CCDC59: variants seen among roughly 807,000 people sequenced by gnomAD.
CCDC59 encodes coiled-coil domain containing 59.
In CCDC59, 27 loss-of-function variants were observed where a neutral mutation model predicts 30.5. That is an observed-to-expected ratio of 0.89 (90% CI 0.65 to 1.22). The LOEUF (loss-of-function observed/expected upper bound fraction) is 1.22. Ranked by LOEUF, CCDC59 falls within the 50% of genes most tolerant of loss-of-function variation. CCDC59 has a pLI of 0.00. For missense variants in CCDC59, 362 were observed against 284.4 expected, an observed-to-expected ratio of 1.27 and a Z score of -1.96; for synonymous variants, 125 against 100.9, an observed-to-expected ratio of 1.24 and a Z score of -1.43.
intron 3 of CCDC59, among the ~76,000 whole-genome samples, chr12:82,353,785 A>G (rs1880904577): frequency 6.6e-6 from 1 of 152,164 alleles, no homozygotes; most frequent in Non-Finnish European, 1.5e-5. Flanking sequence ...TAAAGCAAAA[A>G]CAAGCAAAAT....
intron 2 of CCDC59, chr12:82,355,409 G>A (rs1880977829): frequency 6.6e-6 from 1 of 152,080 alleles, no homozygotes; most frequent in Non-Finnish European, 1.5e-5. Flanking sequence ...TGCTTTAAGT[G>A]AAAAGGTAAA....
At chr12:82,358,443 A>T, upstream of CCDC59, 1 of 1,606,290 alleles carries the variant, frequency 6.2e-7, no homozygotes, top group Non-Finnish European at 8.5e-7. Context: ...ACCAAGCCGA[A>T]GCAATCAATC....
At position 82,356,966 on chromosome 12, in the gene CCDC59, G is replaced by A. The variant is rs1214535106; in HGVS notation, c.458C>T (p.Thr153Ile). The change falls in exon 2 of 4, where the codon ACA becomes ATA. Residue 153 changes from threonine (T) to isoleucine (I), a missense_variant. Coordinates refer to ENST00000256151, the MANE Select transcript of CCDC59 (RefSeq NM_014167.5). The part of the protein sequence containing the change: ...QPQPEEQCIK[T>I]VNSFTIPKKN... ...AAATGAAGAAAATACATACTTTACT[G>A]TTTTAATACATTGTTCTTCTGGCTG... The A allele has an allele frequency of 2.5e-6, 4 of 1,609,076 alleles. No individual in the cohort carries two copies. The highest frequency in any genetic ancestry group is 3.4e-6 in the Non-Finnish European group (4 of 1,175,862).
In CCDC59 at chr12:82,357,100, T is replaced by C. The variant is rs759992981; in HGVS notation, c.324A>G (p.Ala108=). 2 of 1,614,246 alleles carry C rather than the reference T, an allele frequency of 1.2e-6. No homozygotes were observed. Among genetic ancestry groups the C allele is most frequent in the Admixed American group, 3.3e-5 (2 of 60,038 alleles). ...LAEEERHRKQ[A]RKVDHPLSEQ... is the part of the protein sequence containing the mutation. Reference sequence around the variant, plus strand: ...CTGACAAAGGATGGTCGACTTTTCTTGCTTGCTTCCTATGTCTTTCCTCTT... The same window carrying C: ...CTGACAAAGGATGGTCGACTTTTCTCGCTTGCTTCCTATGTCTTTCCTCTT... Residue 108 remains alanine, a synonymous_variant, in exon 2 of 4, where the codon GCA becomes GCG. Coordinates refer to ENST00000256151, the MANE Select transcript of CCDC59 (RefSeq NM_014167.5).
At chr12:82,355,354 A>C (rs1252712879) in intron 2 of CCDC59, 1 of 152,228 alleles carries the variant, frequency 6.6e-6, no homozygotes, top group Admixed American at 6.5e-5. Flanking sequence ...AAATTCCAGA[A>C]ATAAACAATT....
At position 82,357,109 on chromosome 12, in the gene CCDC59, C is replaced by G. The variant is rs760805149; in HGVS notation, c.315G>C (p.Arg105Ser). The change falls in exon 2 of 4, where the codon AGG becomes AGC. Residue 105 changes from arginine (R) to serine (S), a missense_variant. By Grantham distance (110) the Arg-to-Ser change is moderately radical. Coordinates refer to ENST00000256151, the MANE Select transcript of CCDC59 (RefSeq NM_014167.5). ...HLYLAEEERH[R>S]KQARKVDHPL... Reference sequence around the variant, plus strand: ...GATGGTCGACTTTTCTTGCTTGCTTCCTATGTCTTTCCTCTTCAGCTAAAT... The same window carrying G: ...GATGGTCGACTTTTCTTGCTTGCTTGCTATGTCTTTCCTCTTCAGCTAAAT... 6.2e-7 allele frequency: 1 copy of G among 1,614,052 alleles called. No individual in the cohort carries two copies. The highest frequency in any genetic ancestry group is 1.3e-5 in the African/African-American group (1 of 74,924).
At chr12:82,358,685 T>A (rs752294911), upstream of CCDC59, 2 of 1,614,060 alleles carry the variant, frequency 1.2e-6, no homozygotes, top group South Asian at 1.1e-5. Context: ...ATACCGTGGA[T>A]TTCTACACAG....
chr12:82,354,212 T>C (rs922967875), intron 3 of CCDC59, among the ~76,000 whole-genome samples: 1 of 152,164 alleles, frequency 6.6e-6, no homozygotes, highest in African/African-American at 2.4e-5. Context: ...TGCAAGTTCC[T>C]GGACCAAACT....
At chr12:82,358,485 G>A, upstream of CCDC59, 17 of 1,596,776 alleles carry the variant, frequency 1.1e-5, no homozygotes, top group Non-Finnish European at 1.4e-5. Context: ...GAGCTCTACT[G>A]AGCCTGCCTG....
intron 2 of CCDC59, chr12:82,355,484 A>G (rs1000484862): frequency 6.6e-6 from 1 of 152,138 alleles, no homozygotes; most frequent in Non-Finnish European, 1.5e-5. Flanking sequence ...CTATGGTTTT[A>G]AAAAAAATCT....
intron 1 of CCDC59, 122 bp downstream of exon 1, chr12:82,358,101 A>G: frequency 1.8e-6 from 2 of 1,097,550 alleles, no homozygotes; most frequent in Non-Finnish European, 2.6e-6. Flanking sequence ...CTCAGGAATG[A>G]ATTCCCTTGC....
chr12:82,358,512 G>C, upstream of CCDC59: 1 of 1,597,744 alleles, frequency 6.3e-7, no homozygotes, highest in Non-Finnish European at 8.5e-7. Flanking sequence ...TTTGGGCCGA[G>C]CTGGCGCCTC....
At position 82,353,330 on chromosome 12, in the gene CCDC59, T is replaced by C. The variant is rs746362430; in HGVS notation, c.565-18A>G. On this transcript the variant is annotated intron_variant, in intron 3 of 3. Coordinates refer to ENST00000256151, the MANE Select transcript of CCDC59 (RefSeq NM_014167.5). Reference sequence around the variant, plus strand: ...TCGAATTCCTAAAATTATTAACATATGTAACTTTCATTAGCAACAAACAGT... The same window carrying C: ...TCGAATTCCTAAAATTATTAACATACGTAACTTTCATTAGCAACAAACAGT... 8 of 1,580,474 alleles carry C rather than the reference T, an allele frequency of 5.1e-6. No homozygotes were observed. In the African/African-American group the frequency reaches 9.6e-5, roughly 19 times the overall value.
chr12:82,357,207 T>G lies in CCDC59; in HGVS notation c.217A>C (p.Lys73Gln). 1 of 1,614,212 alleles carries G rather than the reference T, an allele frequency of 6.2e-7. No homozygotes were observed. Among genetic ancestry groups the G allele is most frequent in the Admixed American group, 1.7e-5 (1 of 60,032 alleles). The change falls in exon 2 of 4, where the codon AAG becomes CAG. Residue 73 changes from lysine to glutamine, a missense_variant. Physicochemically the swap from Lys to Gln is moderately conservative, Grantham distance 53. Transcript: ENST00000256151. ...AGTGACGTTTGAGCCTTCTTTTCCT[T>G]CCGTAGCAATTTCTTGTAACTTTGC... is the stretch of plus-strand genomic sequence containing the variant. ...IQQSYKKLLR[K>Q]EKKAQTSLES...
At position 82,353,320 on chromosome 12, in the gene CCDC59, T is replaced by C. The variant is rs1454499387; in HGVS notation, c.565-8A>G. 1.3e-6 allele frequency: 2 copies of C among 1,589,306 alleles called. No individual in the cohort carries two copies. The highest frequency in any genetic ancestry group is 1.4e-5 in the African/African-American group (1 of 73,276). ...TTTTCTCCTCTCGAATTCCTAAAAT[T>C]ATTAACATATGTAACTTTCATTAGC... On this transcript the variant is annotated splice_region_variant and splice_polypyrimidine_tract_variant and intron_variant, in intron 3 of 3. Coordinates refer to ENST00000256151, the MANE Select transcript of CCDC59 (RefSeq NM_014167.5).
Position 82,358,212 on chromosome 12 carries a change from T to A in CCDC59, c.154+11A>T, listed in dbSNP as rs1261020944. The A allele has an allele frequency of 6.2e-7, 1 of 1,614,156 alleles. No homozygotes were observed. The highest frequency in any genetic ancestry group is 1.7e-5 in the Admixed American group (1 of 60,030). On this transcript the variant is annotated intron_variant, in intron 1 of 3. Coordinates refer to ENST00000256151, the MANE Select transcript of CCDC59 (RefSeq NM_014167.5). ...GCCTGAGGATTTGCAAATGGTTGCC[T>A]TCTTACATACCCTCGCGAACGCTCC... is the stretch of plus-strand genomic sequence containing the variant.
chr12:82,358,669 A>G (rs761750644), upstream of CCDC59: 3 of 1,614,154 alleles, frequency 1.9e-6, no homozygotes, highest in East Asian at 2.2e-5. Context: ...TCCATTTCCA[A>G]TGCACATACC....
chr12:82,353,991 C>T (rs1880915792), intron 3 of CCDC59, among the ~76,000 whole-genome samples: 1 of 146,142 alleles, frequency 6.8e-6, no homozygotes, highest in South Asian at 2.3e-4. Flanking sequence ...TAATAGAGTG[C>T]TAACTTTTGC....
At chr12:82,358,086 G>A in intron 1 of CCDC59, 137 bp downstream of exon 1, 1 of 925,968 alleles carries the variant, frequency 1.1e-6, no homozygotes, top group East Asian at 2.6e-5. Context: ...CACAGCTTTA[G>A]CGGGCTCAGG....
Sources: allele counts gnomAD v4.1 joint callset (sites outside exome capture counted in the v4.1 genomes callset), GRCh38; gene constraint gnomAD v4.1.1; transcripts MANE v1.5; gene names NCBI Gene and HGNC (gene_info 2026-07-23, HGNC 2026-07-21).